The following NF1 variants were observed in gnomAD, a reference collection of about 807,000 sequenced individuals.
NF1 encodes neurofibromin 1.
Under a neutral mutation model 325.7 loss-of-function variants are expected in NF1, and 122 were observed. The observed-to-expected ratio is 0.37, with a 90% CI of 0.32 to 0.44. The LOEUF is 0.44. Ranked by LOEUF, NF1 falls within the 20% of genes least tolerant of loss-of-function variation. NF1 has a pLI of 1.00. For missense variants in NF1, 2,140 were observed against 3,415.4 expected (o/e 0.63, Z 9.31); for synonymous variants, 1,091 against 1,186.0 (o/e 0.92, Z 1.65).
chr17:31,369,685 G>A (rs2070595859), intron 57 of NF1, among the ~76,000 whole-genome samples: 1 of 152,216 alleles, frequency 6.6e-6, no homozygotes, highest in Admixed American at 6.5e-5. Flanking sequence ...ATGAAAAGAA[G>A]TGCAGCACCA....
At chr17:31,351,425 A>T (rs780258205) in intron 50 of NF1, among the ~76,000 whole-genome samples, 5 of 151,900 alleles carry the variant, frequency 3.3e-5, no homozygotes, top group Non-Finnish European at 7.4e-5. Context: ...TTTCTTTATT[A>T]ATTTTTTTTG....
intron 13 of NF1, among the ~76,000 whole-genome samples, chr17:31,218,254 GA>G (rs1167135592): frequency 6.6e-6 from 1 of 151,812 alleles, no homozygotes. Context: ...ACTATTGTTG[GA>G]AAAAAAATTA....
chr17:31,180,273 T>C (rs2066103577), intron 5 of NF1, among the ~76,000 whole-genome samples: 1 of 152,200 alleles, frequency 6.6e-6, no homozygotes, highest in Non-Finnish European at 1.5e-5. Flanking sequence ...TACCAAAACC[T>C]GGCAGAGACA....
chr17:31,322,833 G>A (rs997470441), intron 36 of NF1, among the ~76,000 whole-genome samples: 3 of 152,120 alleles, frequency 2.0e-5, no homozygotes, highest in African/African-American at 7.2e-5. Context: ...TTTGAATCAT[G>A]TTGGTCCTTC....
At chr17:31,244,193 C>T (rs1250088237) in intron 29 of NF1, among the ~76,000 whole-genome samples, 1 of 152,168 alleles carries the variant, frequency 6.6e-6, no homozygotes, top group African/African-American at 2.4e-5. Context: ...AGTTACAAGA[C>T]AAGGTCCTCT....
intron 15 of NF1, chr17:31,222,680 A>G (rs1567845478): frequency 4.0e-6 from 1 of 251,194 alleles, no homozygotes; most frequent in Non-Finnish European, 6.6e-6. Context: ...CCCGGTGTAT[A>G]TTATCTATAA....
chr17:31,297,056 G>A (rs1199927763), intron 36 of NF1: 2 of 152,152 alleles, frequency 1.3e-5, no homozygotes, highest in Non-Finnish European at 2.9e-5. Context: ...GCATGCACTT[G>A]CTATTGAATA....
chr17:31,226,785 G>A (rs1225329233), intron 18 of NF1, 101 bp downstream of exon 18: 1 of 1,462,040 alleles, frequency 6.8e-7, no homozygotes, highest in Non-Finnish European at 9.5e-7. Flanking sequence ...AGTTTACAGG[G>A]GAAATTCAAG....
intron 1 of NF1, among the ~76,000 whole-genome samples, chr17:31,145,583 T>C (rs1256232872): frequency 2.0e-5 from 3 of 152,296 alleles, no homozygotes; most frequent in Non-Finnish European, 4.4e-5. Context: ...TGATAAATTC[T>C]TGGTTACTTA....
At chr17:31,116,780 G>T (rs1005012030) in intron 1 of NF1, among the ~76,000 whole-genome samples, 2 of 151,276 alleles carry the variant, frequency 1.3e-5, no homozygotes, top group Non-Finnish European at 2.9e-5. Flanking sequence ...CCATTCTCCT[G>T]CCTCAGCCTC....
At chr17:31,219,678 T>G (rs1038652617) in intron 14 of NF1, among the ~76,000 whole-genome samples, 2 of 141,348 alleles carry the variant, frequency 1.4e-5, no homozygotes, top group African/African-American at 5.3e-5. Flanking sequence ...CAACTATAGC[T>G]ACTCTCTAAT....
chr17:31,168,620 T>C (rs2065882816), intron 4 of NF1, among the ~76,000 whole-genome samples: 1 of 152,162 alleles, frequency 6.6e-6, no homozygotes, highest in East Asian at 1.9e-4. Context: ...TGGGTTTCAT[T>C]GGATTCACGT....
intron 57 of NF1, among the ~76,000 whole-genome samples, chr17:31,368,160 G>A (rs553280028): frequency 2.0e-5 from 3 of 152,072 alleles, no homozygotes; most frequent in African/African-American, 2.4e-5. Context: ...TTTTTGAGAC[G>A]GAGTCTCTCT....
chr17:31,144,189 A>G (rs1326549383), intron 1 of NF1, among the ~76,000 whole-genome samples: 2 of 152,154 alleles, frequency 1.3e-5, no homozygotes, highest in African/African-American at 2.4e-5. Flanking sequence ...TAACTTCAGA[A>G]TCAGCTTACC....
At position 31,217,984 on chromosome 17, in the gene NF1, G is replaced by A. The variant is rs555016098; in HGVS notation, c.1528-1021G>A. On this transcript the variant is annotated intron_variant, in intron 13 of 57. Transcript: ENST00000358273. ...GTAGGCATTCACATTTTTACATAAC[G>A]TTAATTTTCTTTGCTTAGTACACTA... 7.9e-4 allele frequency among the ~76,000 whole-genome samples: 118 copies of A among 150,214 alleles called. 2 individuals are homozygous for A. Among genetic ancestry groups the A allele is most frequent in the Non-Finnish European group, 1.6e-3 (105 of 67,658 alleles).
At chr17:31,222,613 C>A in intron 15 of NF1, 1 of 837,654 alleles carries the variant, frequency 1.2e-6, no homozygotes, top group Non-Finnish European at 1.5e-6. Flanking sequence ...TTTTTACTTA[C>A]TACATTAAAG....
intron 1 of NF1, among the ~76,000 whole-genome samples, chr17:31,095,628 C>T (rs981908697): frequency 3.9e-5 from 6 of 152,172 alleles, no homozygotes; most frequent in Admixed American, 1.3e-4. Flanking sequence ...CAGCCTCCGA[C>T]CCTCCATCCC....
In NF1 at chr17:31,342,781, A is replaced by G. The variant is rs17879214; in HGVS notation, c.7063-228A>G. On this transcript the variant is annotated intron_variant, in intron 47 of 57. Coordinates refer to ENST00000358273, the MANE Select transcript of NF1 (RefSeq NM_001042492.3). ...TCATTTATTTTGTATTGTAAATAAAAGTGATTTCATCTTCCACCATCTTCT... is the reference window on the plus strand; with the variant it reads ...TCATTTATTTTGTATTGTAAATAAAGGTGATTTCATCTTCCACCATCTTCT... 4.5e-3 allele frequency among the ~76,000 whole-genome samples: 686 copies of G among 152,340 alleles called. 1 individual carries two copies. Among genetic ancestry groups the G allele is most frequent in the Non-Finnish European group, 7.1e-3 (485 of 68,036 alleles).
intron 39 of NF1, chr17:31,330,747 C>A: frequency 2.3e-6 from 1 of 429,962 alleles, no homozygotes; most frequent in Non-Finnish European, 4.1e-6. Context: ...ACTTTACACA[C>A]CTCTGGACCA....
Sources: gnomAD v4.1 joint callset for allele counts (sites outside exome capture counted in the v4.1 genomes callset) on GRCh38, gnomAD v4.1.1 for gene constraint, MANE v1.5 for transcripts, NCBI Gene and HGNC (gene_info 2026-07-23, HGNC 2026-07-21) for gene names.